PLEKHA7: variants seen among roughly 807,000 people sequenced by gnomAD.
PLEKHA7 encodes pleckstrin homology domain containing A7, also known as pleckstrin homology domain-containing family A member 7.
PLEKHA7 carries 104 observed loss-of-function variants against 170.0 expected under a neutral mutation model. That is an observed-to-expected ratio of 0.61 (90% CI 0.52 to 0.72). The LOEUF (loss-of-function observed/expected upper bound fraction) is 0.72. Among genes scored for constraint, PLEKHA7 ranks in the 30% least tolerant of loss-of-function variants. The probability of loss-of-function intolerance (pLI) is 0.00; values close to 1 mark genes in which losing one functional copy is unlikely to be tolerated. For synonymous variants in PLEKHA7, 648 were observed against 660.8 expected, an observed-to-expected ratio of 0.98 and a Z score of 0.30; for missense variants, 1,615 against 1,671.7, an observed-to-expected ratio of 0.97 and a Z score of 0.59.
intron 3 of PLEKHA7, among the ~76,000 whole-genome samples, chr11:17,003,521 T>C (rs1179111981): frequency 6.6e-6 from 1 of 152,236 alleles, no homozygotes; most frequent in Non-Finnish European, 1.5e-5. Context: ...GTGGCACTAC[T>C]ACTTGCTAAA....
intron 3 of PLEKHA7, among the ~76,000 whole-genome samples, chr11:16,915,868 G>A (rs1047171856): frequency 6.7e-6 from 1 of 149,718 alleles, no homozygotes; most frequent in Non-Finnish European, 1.5e-5. Flanking sequence ...AGTCCTTTGG[G>A]TATATACCCA....
chr11:16,826,771 C>G (rs1286441172), intron 9 of PLEKHA7, among the ~76,000 whole-genome samples, 181 bp from the exon 10 acceptor site: 1 of 152,208 alleles, frequency 6.6e-6, no homozygotes, highest in South Asian at 2.1e-4. Context: ...TGGCTTAACA[C>G]CACCTCCTCC....
At chr11:16,937,226 A>T (rs1339976228) in intron 3 of PLEKHA7, among the ~76,000 whole-genome samples, 1 of 152,258 alleles carries the variant, frequency 6.6e-6, no homozygotes, top group Non-Finnish European at 1.5e-5. Context: ...AATCAGTCAC[A>T]TAAAATCCCT....
intron 3 of PLEKHA7, among the ~76,000 whole-genome samples, chr11:16,885,733 T>A (rs147678457): frequency 2.1e-5 from 3 of 142,462 alleles, no homozygotes; most frequent in African/African-American, 7.8e-5. Flanking sequence ...GTGGCTCACA[T>A]CTGTAATCCC....
intron 17 of PLEKHA7, chr11:16,795,282 A>C (rs1337646727): frequency 2.2e-6 from 1 of 454,500 alleles, no homozygotes; most frequent in African/African-American, 2.0e-5. Flanking sequence ...TGCCGTAAAC[A>C]CTGTGCCATT....
At chr11:16,864,086 T>C (rs564748409) in intron 4 of PLEKHA7, among the ~76,000 whole-genome samples, 221 of 152,256 alleles carry the variant, frequency 1.5e-3, no homozygotes, top group African/African-American at 4.7e-3. Flanking sequence ...AGGAAGAAGA[T>C]TGTCCCCAGA....
chr11:16,913,621 G>A (rs1422321087), intron 3 of PLEKHA7, among the ~76,000 whole-genome samples: 1 of 152,224 alleles, frequency 6.6e-6, no homozygotes, highest in African/African-American at 2.4e-5. Flanking sequence ...CAGCAGATGA[G>A]ATTTAGGTTA....
chr11:16,827,881 C>G (rs555447541), intron 9 of PLEKHA7, among the ~76,000 whole-genome samples: 1 of 150,256 alleles, frequency 6.7e-6, no homozygotes, highest in South Asian at 2.1e-4. Context: ...TCAAAATGGC[C>G]AAGCCAGAGG....
chr11:16,909,488 G>A (rs1326688849), intron 3 of PLEKHA7, among the ~76,000 whole-genome samples: 1 of 152,182 alleles, frequency 6.6e-6, no homozygotes, highest in Admixed American at 6.5e-5. Context: ...AGAAGGCAGC[G>A]GTAGTACCCT....
chr11:16,919,604 C>A (rs574616284), intron 3 of PLEKHA7, among the ~76,000 whole-genome samples: 1 of 152,108 alleles, frequency 6.6e-6, no homozygotes, highest in Admixed American at 6.5e-5. Flanking sequence ...TTGGATGCTG[C>A]AGTGAGCTAT....
intron 9 of PLEKHA7, among the ~76,000 whole-genome samples, chr11:16,827,351 T>A (rs761451610): frequency 3.5e-4 from 54 of 152,192 alleles, no homozygotes; most frequent in Admixed American, 2.4e-3. Context: ...ATTTTAGCAA[T>A]AAGGAAACTG....
rs559880133 is a variant in PLEKHA7 at position 17,008,059 on chromosome 11, C to T, written c.221+5930G>A. Among the ~76,000 whole-genome samples, 5 of 152,282 alleles carry T rather than the reference C, an allele frequency of 3.3e-5. No homozygotes were observed. The East Asian group carries it at 9.7e-4, about 29-fold the overall frequency. ...CCAGTCCTGCCCCTAGGACCTGCTT[C>T]AGGTCCTAGGGGAGGGGAAAGTTAG... On this transcript the variant is annotated intron_variant, in intron 3 of 26. Transcript: ENST00000531066.
At chr11:16,781,218 G>A (rs217759) in intron 26 of PLEKHA7, 113,466 of 154,422 alleles carry the variant, frequency 0.73, 41,906 homozygotes, top group Admixed American at 0.78. Context: ...GTGGGGAACC[G>A]GATGGGTCAG....
intron 9 of PLEKHA7, among the ~76,000 whole-genome samples, chr11:16,839,798 T>C (rs778577591): frequency 1.3e-5 from 2 of 152,196 alleles, no homozygotes; most frequent in African/African-American, 2.4e-5. Context: ...TGGGGCTTCC[T>C]GGCACCAGTC....
At chr11:16,993,132 C>T (rs1864144084) in intron 3 of PLEKHA7, among the ~76,000 whole-genome samples, 1 of 152,106 alleles carries the variant, frequency 6.6e-6, no homozygotes, top group Admixed American at 6.5e-5. Context: ...AGGCTCAGTA[C>T]CAAGAAACCC....
chr11:16,950,035 C>G (rs1185463197), intron 3 of PLEKHA7, among the ~76,000 whole-genome samples: 2 of 130,098 alleles, frequency 1.5e-5, no homozygotes, highest in African/African-American at 6.1e-5. Flanking sequence ...GAAAACCAGA[C>G]AGCAAATGGT....
At chr11:16,973,788 T>C (rs946229566) in intron 3 of PLEKHA7, among the ~76,000 whole-genome samples, 12 of 152,140 alleles carry the variant, frequency 7.9e-5, no homozygotes, top group African/African-American at 2.9e-4. Context: ...AGTCTCCCTC[T>C]GGAGTGTTCC....
At chr11:16,936,730 G>T (rs1860331593) in intron 3 of PLEKHA7, among the ~76,000 whole-genome samples, 1 of 152,236 alleles carries the variant, frequency 6.6e-6, no homozygotes, top group Non-Finnish European at 1.5e-5. Flanking sequence ...CAGGGAAAAT[G>T]AGTTCTGAGA....
intron 3 of PLEKHA7, among the ~76,000 whole-genome samples, chr11:16,911,643 CG>C (rs984775627): frequency 2.0e-5 from 3 of 151,722 alleles, no homozygotes; most frequent in Non-Finnish European, 2.9e-5. Flanking sequence ...AGTGAGGTCT[CG>C]GGGATAACAG....
Sources: gnomAD v4.1 joint callset for allele counts (sites outside exome capture counted in the v4.1 genomes callset) on GRCh38, gnomAD v4.1.1 for gene constraint, MANE v1.5 for transcripts, NCBI Gene and HGNC (gene_info 2026-07-23, HGNC 2026-07-21) for gene names.